The following PMM2 variants were observed in gnomAD, a reference collection of about 807,000 sequenced individuals.
PMM2 encodes phosphomannomutase 2.
PMM2 carries 35 observed loss-of-function variants against 33.2 expected under a neutral mutation model. The observed-to-expected ratio is 1.06, with a 90% CI of 0.81 to 1.40. The LOEUF is 1.40. Among genes scored for constraint, PMM2 ranks in the 40% most tolerant of loss-of-function variants. PMM2 has a pLI of 0.00. For missense variants in PMM2, 386 were observed against 306.0 expected (o/e 1.26, Z -1.95); for synonymous variants, 153 against 114.7 (o/e 1.33, Z -2.13).
intron 7 of PMM2, among the ~76,000 whole-genome samples, chr16:8,822,032 A>G (rs2060742016): frequency 1.3e-5 from 2 of 152,232 alleles, no homozygotes; most frequent in East Asian, 1.9e-4. Context: ...ACAAAGGGTA[A>G]TTCACGCAGA....
chr16:8,814,737 T>C (rs2060696893), intron 7 of PMM2, among the ~76,000 whole-genome samples: 1 of 152,264 alleles, frequency 6.6e-6, no homozygotes, highest in Non-Finnish European at 1.5e-5. Flanking sequence ...CAGCAAAAGC[T>C]GTACATATTT....
chr16:8,810,875 C>G (rs1397705423), intron 4 of PMM2: 1 of 600,248 alleles, frequency 1.7e-6, no homozygotes, highest in African/African-American at 1.9e-5. Context: ...TCTTTCAAAT[C>G]TAATCTCAAT....
intron 4 of PMM2, chr16:8,810,011 A>T (rs2060669172): frequency 6.6e-6 from 1 of 152,424 alleles, no homozygotes; most frequent in African/African-American, 2.4e-5. Context: ...GGGTTTTGCC[A>T]TATTGCCTAG....
intron 7 of PMM2, among the ~76,000 whole-genome samples, chr16:8,837,633 G>A (rs939999115): frequency 1.3e-5 from 2 of 151,846 alleles, no homozygotes; most frequent in Non-Finnish European, 2.9e-5. Context: ...AAGGGATCGG[G>A]GCGCAGAGAT....
chr16:8,802,013 C>T (rs370913531), intron 2 of PMM2, 103 bp downstream of exon 2: 23 of 801,034 alleles, frequency 2.9e-5, no homozygotes, highest in South Asian at 2.0e-4. Flanking sequence ...CCCCATATGG[C>T]GGGCTTTCTG....
chr16:8,832,273 T>G (rs1043801790), intron 7 of PMM2: 1 of 985,280 alleles, frequency 1.0e-6, no homozygotes, highest in Non-Finnish European at 1.2e-6. Flanking sequence ...CAGATGCTCC[T>G]GCGAGCCGTG....
rs545486702 is a variant in PMM2 at position 8,810,979 on chromosome 16, C to T, written c.348-100C>T. 4.0e-6 allele frequency: 3 copies of T among 747,736 alleles called. No homozygotes were observed. In the African/African-American group the frequency reaches 5.2e-5, roughly 13 times the overall value. The allele number at this position is 747,736 out of a possible 1,614,324, so 46.3% of individuals were successfully genotyped here. On this transcript the variant is annotated intron_variant, in intron 4 of 7. Transcript: ENST00000268261. Reference sequence around the variant, plus strand: ...GCTGAGAAACATTGACCACACTAGCCTCTGCTTTTTAGAATTTCCCAAGAT... The same window carrying T: ...GCTGAGAAACATTGACCACACTAGCTTCTGCTTTTTAGAATTTCCCAAGAT...
intron 1 of PMM2, 41 bp from the exon 2 acceptor site, chr16:8,801,758 G>T (rs765019977): frequency 1.7e-6 from 2 of 1,211,296 alleles, no homozygotes; most frequent in Non-Finnish European, 2.4e-6. Flanking sequence ...CCTGATTATT[G>T]TGTGGCTTAT....
At chr16:8,804,192 C>T (rs2060633693) in intron 2 of PMM2, among the ~76,000 whole-genome samples, 1 of 151,420 alleles carries the variant, frequency 6.6e-6, no homozygotes, top group East Asian at 1.9e-4. Flanking sequence ...GCGCACACCA[C>T]CATGCCTGGC....
At chr16:8,806,807 G>A (rs1340391973) in intron 4 of PMM2, 5 of 236,370 alleles carry the variant, frequency 2.1e-5, no homozygotes, top group Non-Finnish European at 4.2e-5. Context: ...TTCAAAGGCT[G>A]TCAGTGAGAG....
chr16:8,832,057 T>C, intron 7 of PMM2: 8 of 797,270 alleles, frequency 1.0e-5, no homozygotes, highest in Non-Finnish European at 1.2e-5. Flanking sequence ...TCTAGCCTTA[T>C]TATTCTAGAG....
At chr16:8,824,825 G>C (rs991794297) in intron 7 of PMM2, among the ~76,000 whole-genome samples, 1 of 152,154 alleles carries the variant, frequency 6.6e-6, no homozygotes, top group African/African-American at 2.4e-5. Flanking sequence ...CTGATAGAGA[G>C]AAGACTCAGC....
chr16:8,800,233 C>T (rs2060605373), intron 1 of PMM2, among the ~76,000 whole-genome samples: 1 of 151,734 alleles, frequency 6.6e-6, no homozygotes, highest in South Asian at 2.1e-4. Flanking sequence ...TGATGGCGGG[C>T]GCCTGTAATC....
intron 7 of PMM2, among the ~76,000 whole-genome samples, chr16:8,835,760 A>G (rs921066617): frequency 9.2e-5 from 14 of 151,954 alleles, no homozygotes; most frequent in Non-Finnish European, 1.6e-4. Context: ...AAAGCGTGCC[A>G]TGGGATGGGA....
chr16:8,842,562 A>G (rs1327854152), intron 7 of PMM2, among the ~76,000 whole-genome samples: 1 of 152,208 alleles, frequency 6.6e-6, no homozygotes, highest in Non-Finnish European at 1.5e-5. Flanking sequence ...GGAACGCTGA[A>G]AGAAGCATCT....
chr16:8,817,613 T>C (rs1486130276), intron 7 of PMM2, among the ~76,000 whole-genome samples: 3 of 152,358 alleles, frequency 2.0e-5, no homozygotes, highest in East Asian at 3.9e-4. Flanking sequence ...TGTTTAACCA[T>C]TGCATTACCA....
chr16:8,829,505 C>T (rs983326924), intron 7 of PMM2, among the ~76,000 whole-genome samples: 2 of 152,246 alleles, frequency 1.3e-5, no homozygotes, highest in African/African-American at 4.8e-5. Flanking sequence ...ATTTTCCATC[C>T]TGGCCAGAGC....
At chr16:8,837,034 A>G (rs922966594) in intron 7 of PMM2, among the ~76,000 whole-genome samples, 3 of 152,024 alleles carry the variant, frequency 2.0e-5, no homozygotes, top group Non-Finnish European at 4.4e-5. Flanking sequence ...AGGCTGAGGA[A>G]GAATTGGAAC....
intron 6 of PMM2, among the ~76,000 whole-genome samples, chr16:8,812,048 G>A (rs1003487596): frequency 2.0e-5 from 3 of 152,190 alleles, no homozygotes; most frequent in African/African-American, 4.8e-5. Context: ...CAGAAGAGAA[G>A]CACTATAGTG....
Sources: allele counts gnomAD v4.1 joint callset (sites outside exome capture counted in the v4.1 genomes callset), GRCh38; gene constraint gnomAD v4.1.1; transcripts MANE v1.5; gene names NCBI Gene and HGNC (gene_info 2026-07-23, HGNC 2026-07-21).